CNTN4: variants seen among roughly 807,000 people sequenced by gnomAD.
CNTN4 encodes contactin-4.
CNTN4 carries 77 observed loss-of-function variants against 122.5 expected under a neutral mutation model. The ratio of observed to expected loss-of-function variants is 0.63; its 90% CI spans 0.52 to 0.76. The LOEUF (loss-of-function observed/expected upper bound fraction) is 0.76. Ranked by LOEUF, CNTN4 falls within the 30% of genes least tolerant of loss-of-function variation. The pLI, the probability that CNTN4 is intolerant of heterozygous loss-of-function variation, is 0.00. For synonymous variants in CNTN4, 512 were observed against 447.0 expected, an observed-to-expected ratio of 1.15 and a Z score of -1.83; for missense variants, 1,256 against 1,259.1, an observed-to-expected ratio of 1.00 and a Z score of 0.04.
chr3:2,204,635 A>G (rs528873018), intron 2 of CNTN4, among the ~76,000 whole-genome samples: 150 of 152,264 alleles, frequency 9.9e-4, no homozygotes, highest in Non-Finnish European at 1.5e-3. Context: ...CTCTTTTCAG[A>G]TGTAGGTCAC....
At chr3:2,418,399 A>G (rs2047495657) in intron 3 of CNTN4, among the ~76,000 whole-genome samples, 1 of 152,190 alleles carries the variant, frequency 6.6e-6, no homozygotes, top group African/African-American at 2.4e-5. Flanking sequence ...TACAAATGCT[A>G]ACTAAGACAT....
At chr3:2,761,279 G>A (rs964962745) in intron 6 of CNTN4, among the ~76,000 whole-genome samples, 4 of 152,046 alleles carry the variant, frequency 2.6e-5, no homozygotes, top group African/African-American at 9.7e-5. Flanking sequence ...CCTTTATCTA[G>A]GACCACAGAA....
At chr3:2,729,367 A>G (rs147985499) in intron 4 of CNTN4, among the ~76,000 whole-genome samples, 5,981 of 148,952 alleles carry the variant, frequency 0.04, 448 homozygotes, top group African/African-American at 0.14. Context: ...GATTGAGACC[A>G]TCCCGGCTAA....
At chr3:2,868,376 G>A (rs1400357825) in intron 8 of CNTN4, among the ~76,000 whole-genome samples, 6 of 152,100 alleles carry the variant, frequency 3.9e-5, no homozygotes, top group African/African-American at 7.2e-5. Flanking sequence ...ACAGTGCTTC[G>A]TTGCATTATA....
chr3:2,925,513 A>C (rs1018693382), intron 12 of CNTN4, 116 bp from the exon 13 acceptor site: 1 of 1,121,828 alleles, frequency 8.9e-7, no homozygotes, highest in East Asian at 2.4e-5. Context: ...AGATTGCACC[A>C]CTGCACTGGC....
intron 2 of CNTN4, among the ~76,000 whole-genome samples, chr3:2,203,574 C>T (rs1055045735): frequency 6.6e-6 from 1 of 152,072 alleles, no homozygotes; most frequent in African/African-American, 2.4e-5. Context: ...GAGAAAGGCT[C>T]TATTTTCTCT....
At chr3:2,247,124 G>A (rs2040187909) in intron 2 of CNTN4, among the ~76,000 whole-genome samples, 1 of 151,982 alleles carries the variant, frequency 6.6e-6, no homozygotes, top group Non-Finnish European at 1.5e-5. Flanking sequence ...AGGGAGATTT[G>A]CATGGATGCC....
intron 8 of CNTN4, among the ~76,000 whole-genome samples, chr3:2,875,819 G>A (rs1057059295): frequency 2.0e-5 from 3 of 152,166 alleles, no homozygotes; most frequent in Non-Finnish European, 2.9e-5. Context: ...TAACTTTTTA[G>A]TAGGAAAAAC....
chr3:3,044,376 C>T (rs924997319), intron 23 of CNTN4, among the ~76,000 whole-genome samples: 2 of 152,100 alleles, frequency 1.3e-5, no homozygotes, highest in Non-Finnish European at 2.9e-5. Flanking sequence ...TGGATAGGGC[C>T]AGAATGGACA....
intron 3 of CNTN4, chr3:2,362,128 G>T (rs897758666): frequency 3.2e-5 from 5 of 154,102 alleles, no homozygotes; most frequent in Non-Finnish European, 5.8e-5. Context: ...ATGACTAAGT[G>T]CAGCAGTTAA....
At chr3:2,226,323 G>C (rs115638741) in intron 2 of CNTN4, among the ~76,000 whole-genome samples, 1 of 152,090 alleles carries the variant, frequency 6.6e-6, no homozygotes, top group African/African-American at 2.4e-5. Flanking sequence ...TTTGGGCTCC[G>C]TAAGAATCTT....
intron 4 of CNTN4, among the ~76,000 whole-genome samples, chr3:2,583,583 G>T (rs1432959541): frequency 6.6e-6 from 1 of 152,170 alleles, no homozygotes; most frequent in Non-Finnish European, 1.5e-5. Flanking sequence ...TGGTTTTGGG[G>T]AACTTGGTGA....
chr3:2,611,986 T>C (rs2081510844), intron 4 of CNTN4, among the ~76,000 whole-genome samples: 1 of 141,754 alleles, frequency 7.1e-6, no homozygotes, highest in African/African-American at 2.7e-5. Flanking sequence ...AAAGCTGCAT[T>C]CATGAAGATT....
rs1390865708 is a variant in CNTN4, at chr3:2,700,511, T to A, written c.56-35704T>A. Among the ~76,000 whole-genome samples the A allele has an allele frequency of 2.0e-5, 3 of 152,216 alleles. No homozygotes were observed. The East Asian group carries it at 5.8e-4, about 29-fold the overall frequency. ...AGAGGCTCTTTGACCTCTTCCTGGA[T>A]TTATTCTGTTTCTCTTTTTACATTC... On this transcript the variant is annotated intron_variant, in intron 4 of 24. Transcript: ENST00000418658.
At chr3:3,037,668 C>G (rs1699733834) in intron 18 of CNTN4, 1 of 362,688 alleles carries the variant, frequency 2.8e-6, no homozygotes, top group Non-Finnish European at 5.3e-6. Flanking sequence ...AAAATTATCT[C>G]ACATAAGTAA....
In CNTN4 at chr3:2,146,906, G is replaced by A. The variant is rs138084714; in HGVS notation, c.-145+46267G>A. On this transcript the variant is annotated intron_variant, in intron 2 of 24. Coordinates refer to ENST00000418658, the MANE Select transcript of CNTN4 (RefSeq NM_175607.3). ...TTGTTTTGTTTTGTTTTTTTGAGACGGAGGCTCACTCTGTCGCCCAGGCTG... is the reference window on the plus strand; with the variant it reads ...TTGTTTTGTTTTGTTTTTTTGAGACAGAGGCTCACTCTGTCGCCCAGGCTG... Among the ~76,000 whole-genome samples the A allele has an allele frequency of 5.2e-3, 796 of 151,880 alleles. 4 individuals are homozygous for A. Among genetic ancestry groups the A allele is most frequent in the African/African-American group, 0.018 (752 of 41,424 alleles).
intron 4 of CNTN4, among the ~76,000 whole-genome samples, chr3:2,635,822 C>T (rs751626098): frequency 7.2e-5 from 11 of 152,136 alleles, no homozygotes; most frequent in Non-Finnish European, 1.5e-4. Flanking sequence ...GTTCCTTTCT[C>T]AGGAAACCAA....
At chr3:2,658,961 A>ACAC (rs1559355809) in intron 4 of CNTN4, among the ~76,000 whole-genome samples, 9 of 59,124 alleles carry the variant, frequency 1.5e-4, no homozygotes, top group African/African-American at 6.0e-4. Flanking sequence ...CACACACACA[A>ACAC]ACAGACACAC....
At chr3:2,521,352 C>CCCCCCCCCCCA (rs1553678488) in intron 3 of CNTN4, among the ~76,000 whole-genome samples, 1 of 32,640 alleles carries the variant, frequency 3.1e-5, no homozygotes, top group African/African-American at 1.3e-4. Context: ...ATCCCCCCCA[C>CCCCCCCCCCCA]CCCCCGCAAT....
Sources: gnomAD v4.1 joint callset for allele counts (sites outside exome capture counted in the v4.1 genomes callset) on GRCh38, gnomAD v4.1.1 for gene constraint, MANE v1.5 for transcripts, NCBI Gene and HGNC (gene_info 2026-07-23, HGNC 2026-07-21) for gene names.